The following ZBTB20 variants were observed in gnomAD, a reference collection of about 807,000 sequenced individuals.
ZBTB20 encodes the protein zinc finger and BTB domain containing 20.
In ZBTB20, 9 loss-of-function variants were observed where a neutral mutation model predicts 56.9. That is an observed-to-expected ratio of 0.16 (90% confidence interval 0.10 to 0.28). The LOEUF is 0.28. Ranked by LOEUF, ZBTB20 falls within the 10% of genes least tolerant of loss-of-function variation. ZBTB20 has a pLI of 1.00. For missense variants in ZBTB20, 655 were observed against 1,003.0 expected, an observed-to-expected ratio of 0.65 and a Z score of 4.69; for synonymous variants, 417 against 420.7, an observed-to-expected ratio of 0.99 and a Z score of 0.11.
intron 4 of ZBTB20, among the ~76,000 whole-genome samples, chr3:114,810,507 C>T (rs1197667116): frequency 1.3e-5 from 2 of 152,106 alleles, no homozygotes; most frequent in Non-Finnish European, 2.9e-5. Flanking sequence ...ACTTGTCCTG[C>T]CCTGGCAGAA....
At chr3:114,398,272 G>A (rs1202528271) in intron 7 of ZBTB20, among the ~76,000 whole-genome samples, 1 of 152,218 alleles carries the variant, frequency 6.6e-6, no homozygotes, top group African/African-American at 2.4e-5. Flanking sequence ...ATCCTCTTGG[G>A]TAGGAACCTT....
intron 6 of ZBTB20, among the ~76,000 whole-genome samples, chr3:114,515,554 A>C (rs1164088691): frequency 6.6e-6 from 1 of 152,026 alleles, no homozygotes; most frequent in African/African-American, 2.4e-5. Flanking sequence ...TTCCTTTTTC[A>C]CTCCACAGTT....
At chr3:114,522,852 T>C (rs2046794144) in intron 6 of ZBTB20, among the ~76,000 whole-genome samples, 1 of 152,178 alleles carries the variant, frequency 6.6e-6, no homozygotes, top group East Asian at 1.9e-4. Flanking sequence ...GGAATTCCAT[T>C]TCTGGTATGT....
At chr3:114,620,351 G>A (rs942498368) in intron 6 of ZBTB20, among the ~76,000 whole-genome samples, 3 of 151,916 alleles carry the variant, frequency 2.0e-5, no homozygotes, top group Admixed American at 1.3e-4. Flanking sequence ...GGAGTGCAAT[G>A]GCACGACTTT....
intron 5 of ZBTB20, among the ~76,000 whole-genome samples, chr3:114,745,294 T>G (rs1446952808): frequency 1.3e-5 from 2 of 152,282 alleles, no homozygotes; most frequent in African/African-American, 4.8e-5. Context: ...CCCTCAATTT[T>G]CTTGTTGTTA....
At chr3:114,650,349 AAT>A (rs1257108291) in intron 6 of ZBTB20, among the ~76,000 whole-genome samples, 10 of 151,958 alleles carry the variant, frequency 6.6e-5, no homozygotes, top group African/African-American at 2.4e-4. Flanking sequence ...GAGTTCTAAG[AAT>A]ATGCATTGGC....
chr3:114,676,188 C>T (rs1377514425), intron 6 of ZBTB20, among the ~76,000 whole-genome samples: 1 of 152,174 alleles, frequency 6.6e-6, no homozygotes, highest in African/African-American at 2.4e-5. Context: ...TTGCAGCATT[C>T]ATTTGATCTT....
At chr3:114,933,716 A>G (rs1311194587) in intron 3 of ZBTB20, among the ~76,000 whole-genome samples, 2 of 152,236 alleles carry the variant, frequency 1.3e-5, no homozygotes, top group Admixed American at 1.3e-4. Context: ...CTCACAGATT[A>G]TAACCACTAC....
chr3:114,643,533 G>A (rs2059671583), intron 6 of ZBTB20, among the ~76,000 whole-genome samples: 1 of 152,080 alleles, frequency 6.6e-6, no homozygotes, highest in Non-Finnish European at 1.5e-5. Context: ...AAGCAATAGT[G>A]GGAAAAGGAT....
intron 4 of ZBTB20, among the ~76,000 whole-genome samples, chr3:114,823,042 C>T (rs901913764): frequency 2.0e-5 from 3 of 152,074 alleles, no homozygotes; most frequent in Admixed American, 6.6e-5. Flanking sequence ...TAGCATTCTT[C>T]GGTCAACTAA....
In ZBTB20 at chr3:114,769,535, T is replaced by C. The variant is rs180972869; in HGVS notation, c.-343+31566A>G. Among the ~76,000 whole-genome samples the C allele has an allele frequency of 2.6e-3, 372 of 142,832 alleles. 1 individual carries two copies. The highest frequency in any genetic ancestry group is 4.9e-3 in the Non-Finnish European group (325 of 66,764). The allele number at this position is 142,832 out of a possible 152,430, so 93.7% of individuals were successfully genotyped here. On this transcript the variant is annotated intron_variant, in intron 5 of 11. Coordinates refer to ENST00000675478, the MANE Select transcript of ZBTB20 (RefSeq NM_001348800.3). ...GTTAAATAGCTAATATACTTTGTTT[T>C]ACTGTGTGCCAAAATGCATATATAT... is the stretch of plus-strand genomic sequence containing the variant.
intron 10 of ZBTB20, among the ~76,000 whole-genome samples, chr3:114,353,615 T>C (rs2080911717): frequency 6.6e-6 from 1 of 152,086 alleles, no homozygotes; most frequent in South Asian, 2.1e-4. Context: ...ACACAAAATA[T>C]GGCCCCAAAA....
Position 114,594,839 on chromosome 3 carries a change from AT to A in ZBTB20, c.-294-94449del, listed in dbSNP as rs372125708. On this transcript the variant is annotated intron_variant, in intron 6 of 11. Transcript: ENST00000675478. ...AATTATGGTTAATGCTGTGTATGTT[AT>A]GTTTTATTTGCCTTCATTCTGGGAC... is the stretch of plus-strand genomic sequence containing the variant. 9.1e-4 allele frequency among the ~76,000 whole-genome samples: 139 copies of A among 152,260 alleles called. 1 individual carries two copies. The highest frequency in any genetic ancestry group is 3.1e-3 in the African/African-American group (128 of 41,558).
intron 2 of ZBTB20, among the ~76,000 whole-genome samples, chr3:115,069,039 T>C (rs1342160220): frequency 6.6e-6 from 1 of 152,120 alleles, no homozygotes; most frequent in Admixed American, 6.6e-5. Context: ...AGCACATGCT[T>C]AGGGAGGAAA....
Position 114,515,592 on chromosome 3 carries a change from T to C in ZBTB20, c.-294-15201A>G, listed in dbSNP as rs147119218. On this transcript the variant is annotated intron_variant, in intron 6 of 11. Transcript: ENST00000675478. ...ATTCATTACTCTATTTAACTGGTTATAACCCATCCCCTACCCTTCACTCTC... is the reference window on the plus strand; with the variant it reads ...ATTCATTACTCTATTTAACTGGTTACAACCCATCCCCTACCCTTCACTCTC... Among the ~76,000 whole-genome samples the C allele has an allele frequency of 4.6e-5, 7 of 152,346 alleles. No individual in the cohort carries two copies. In the East Asian group the frequency reaches 9.6e-4, roughly 21 times the overall value.
At chr3:114,985,497 C>G (rs944223612) in intron 2 of ZBTB20, among the ~76,000 whole-genome samples, 2 of 152,064 alleles carry the variant, frequency 1.3e-5, no homozygotes, top group African/African-American at 4.8e-5. Flanking sequence ...ATAAGATTAA[C>G]AACATTGTTC....
At chr3:114,912,473 T>C (rs1022535853) in intron 3 of ZBTB20, among the ~76,000 whole-genome samples, 15 of 151,854 alleles carry the variant, frequency 9.9e-5, no homozygotes, top group Admixed American at 4.6e-4. Context: ...TATTTTAATA[T>C]TTTTGGAACA....
At chr3:114,813,938 A>G (rs956227641) in intron 4 of ZBTB20, among the ~76,000 whole-genome samples, 1 of 152,162 alleles carries the variant, frequency 6.6e-6, no homozygotes, top group Non-Finnish European at 1.5e-5. Context: ...AGATGTTGTC[A>G]GTCTACATTG....
intron 4 of ZBTB20, among the ~76,000 whole-genome samples, chr3:114,883,709 T>C (rs575981094): frequency 6.6e-6 from 1 of 152,192 alleles, no homozygotes; most frequent in South Asian, 2.1e-4. Context: ...TTTGGTTATA[T>C]ATTTTTAAAG....
Sources: allele counts gnomAD v4.1 joint callset (sites outside exome capture counted in the v4.1 genomes callset), GRCh38; gene constraint gnomAD v4.1.1; transcripts MANE v1.5; gene names NCBI Gene and HGNC (gene_info 2026-07-23, HGNC 2026-07-21).